Variants in HSD17B12 observed in about 807,000 individuals in gnomAD.
HSD17B12 encodes the protein hydroxysteroid 17-beta dehydrogenase 12.
HSD17B12 carries 32 observed loss-of-function variants against 39.3 expected under a neutral mutation model. The ratio of observed to expected loss-of-function variants is 0.81; its 90% CI spans 0.61 to 1.09. HSD17B12 has a LOEUF of 1.09. Among genes scored for constraint, HSD17B12 ranks in the 50% least tolerant of loss-of-function variants. The pLI, the probability that HSD17B12 is intolerant of heterozygous loss-of-function variation, is 0.00. For synonymous variants in HSD17B12, 150 were observed against 146.7 expected, an observed-to-expected ratio of 1.02 and a Z score of -0.16; for missense variants, 342 against 382.9, an observed-to-expected ratio of 0.89 and a Z score of 0.89.
At chr11:43,785,613 A>C (rs1041719896) in intron 3 of HSD17B12, among the ~76,000 whole-genome samples, 1 of 152,186 alleles carries the variant, frequency 6.6e-6, no homozygotes, top group Non-Finnish European at 1.5e-5. Flanking sequence ...CTGGCTTTAC[A>C]TGGATGCGTA....
At chr11:43,840,142 C>CA (rs1308372943) in intron 9 of HSD17B12, 78 bp downstream of exon 9, 66 of 1,106,276 alleles carry the variant, frequency 6.0e-5, no homozygotes, top group South Asian at 9.9e-5. Flanking sequence ...TTGGCAATAA[C>CA]AAAAAAAATC....
chr11:43,712,715 T>C (rs1403740811), intron 1 of HSD17B12, among the ~76,000 whole-genome samples: 1 of 152,068 alleles, frequency 6.6e-6, no homozygotes, highest in African/African-American at 2.4e-5. Context: ...GTGTCATGGG[T>C]GCGTCCTTAA....
At chr11:43,700,374 C>T (rs1742133744) in intron 1 of HSD17B12, among the ~76,000 whole-genome samples, 2 of 151,988 alleles carry the variant, frequency 1.3e-5, no homozygotes, top group Non-Finnish European at 2.9e-5. Flanking sequence ...CAAAAATGTA[C>T]AATTAAGTTA....
chr11:43,593,335 A>G, the HSD17B12 span, among the ~76,000 whole-genome samples: 3 of 152,208 alleles, frequency 2.0e-5, no homozygotes, highest in Non-Finnish European at 4.4e-5. Flanking sequence ...CTAAATATTG[A>G]CAATATTTTT....
chr11:43,799,633 T>C (rs1420357527), intron 4 of HSD17B12, among the ~76,000 whole-genome samples: 2 of 151,518 alleles, frequency 1.3e-5, no homozygotes, highest in East Asian at 2.0e-4. Flanking sequence ...ACTGCCAAAA[T>C]TGGTGGGAAC....
At chr11:43,698,209 T>G (rs1949930133) in intron 1 of HSD17B12, among the ~76,000 whole-genome samples, 1 of 152,148 alleles carries the variant, frequency 6.6e-6, no homozygotes, top group African/African-American at 2.4e-5. Flanking sequence ...GGGTCTGAGC[T>G]CTGGGCACTG....
At chr11:43,690,404 A>ATTTTTTTTTTTTTTTTT (rs1206545700) in intron 1 of HSD17B12, among the ~76,000 whole-genome samples, 2 of 24,956 alleles carry the variant, frequency 8.0e-5, no homozygotes, top group African/African-American at 3.8e-4. Flanking sequence ...ATATATATAT[A>ATTTTTTTTTTTTTTTTT]TTTTTTTTTT....
chr11:43,682,304 G>A (rs948243048), intron 1 of HSD17B12, among the ~76,000 whole-genome samples: 1 of 152,168 alleles, frequency 6.6e-6, no homozygotes, highest in Non-Finnish European at 1.5e-5. Flanking sequence ...TGTAATCCCA[G>A]CATTTTGGGA....
At chr11:43,613,577 A>G in the HSD17B12 span, among the ~76,000 whole-genome samples, 1 of 151,942 alleles carries the variant, frequency 6.6e-6, no homozygotes, top group Non-Finnish European at 1.5e-5. Flanking sequence ...TTCTTATTTT[A>G]TTCTTATTTT....
At chr11:43,827,466 G>A (rs927053305) in intron 6 of HSD17B12, among the ~76,000 whole-genome samples, 1 of 152,078 alleles carries the variant, frequency 6.6e-6, no homozygotes, top group South Asian at 2.1e-4. Context: ...ACAAACTGTT[G>A]ATTACTGACG....
chr11:43,581,486 C>G, the HSD17B12 span: 11 of 501,936 alleles, frequency 2.2e-5, no homozygotes, highest in African/African-American at 5.8e-5. This position sits in a 1 kb window ranked among gnomAD's most constrained non-coding sequence, Gnocchi z 4.9. Context: ...GGAGGGCGCA[C>G]TCGTCGAGAA....
intron 6 of HSD17B12, among the ~76,000 whole-genome samples, chr11:43,820,256 G>A (rs1951168672): frequency 6.6e-6 from 1 of 152,182 alleles, no homozygotes; most frequent in African/African-American, 2.4e-5. Context: ...TCTGACCTAT[G>A]TTTTAGAAAG....
the HSD17B12 span, among the ~76,000 whole-genome samples, chr11:43,587,285 T>G: frequency 0.6 from 91,525 of 151,658 alleles, 27,859 homozygotes; most frequent in East Asian, 0.73. Flanking sequence ...ATAATCTGTT[T>G]AAAGCTATGG....
chr11:43,782,843 A>G (rs1374167840), intron 3 of HSD17B12, among the ~76,000 whole-genome samples: 1 of 152,212 alleles, frequency 6.6e-6, no homozygotes, highest in African/African-American at 2.4e-5. Flanking sequence ...TTTATAGTGG[A>G]GGAAACTGGC....
intron 3 of HSD17B12, chr11:43,755,460 C>T (rs2134952009): frequency 6.6e-6 from 1 of 152,256 alleles, no homozygotes; most frequent in East Asian, 1.9e-4. Context: ...AGGTCTTGGC[C>T]CTACACAGAG....
At chr11:43,593,312 C>G in the HSD17B12 span, among the ~76,000 whole-genome samples, 2 of 152,090 alleles carry the variant, frequency 1.3e-5, no homozygotes, top group Admixed American at 1.3e-4. Flanking sequence ...AGTCTATCTG[C>G]CACATAAATA....
intron 1 of HSD17B12, among the ~76,000 whole-genome samples, chr11:43,700,356 AT>A (rs1949952556): frequency 6.6e-6 from 1 of 152,166 alleles, no homozygotes; most frequent in Admixed American, 6.5e-5. Flanking sequence ...TATCTTTTGA[AT>A]TACAAACAAA....
intron 1 of HSD17B12, among the ~76,000 whole-genome samples, chr11:43,722,853 C>T (rs1475526772): frequency 2.0e-5 from 3 of 151,530 alleles, no homozygotes; most frequent in Non-Finnish European, 4.4e-5. Context: ...ATTAAGAATT[C>T]GCCTGCCATG....
intron 1 of HSD17B12, among the ~76,000 whole-genome samples, chr11:43,737,012 C>T (rs979152890): frequency 1.3e-5 from 2 of 152,212 alleles, no homozygotes; most frequent in African/African-American, 2.4e-5. Context: ...CTACCACCCT[C>T]CTCCCAAAGC....
Sources: gnomAD v4.1 joint callset for allele counts (sites outside exome capture counted in the v4.1 genomes callset) on GRCh38, gnomAD v4.1.1 for gene constraint, Gnocchi (gnomAD v3.1) non-coding constraint, MANE v1.5 for transcripts, NCBI Gene and HGNC (gene_info 2026-07-23, HGNC 2026-07-21) for gene names.